Variants in PTCD1 observed in about 807,000 individuals in gnomAD.
The protein encoded by PTCD1 is pentatricopeptide repeat domain 1.
In PTCD1, 50 loss-of-function variants were observed where a neutral mutation model predicts 53.4. The ratio of observed to expected loss-of-function variants is 0.94; its 90% CI spans 0.75 to 1.19. The LOEUF is 1.19. Among genes scored for constraint, PTCD1 ranks in the 50% most tolerant of loss-of-function variants. The pLI, the probability that PTCD1 is intolerant of heterozygous loss-of-function variation, is 0.00. For missense variants in PTCD1, 918 were observed against 904.8 expected (o/e 1.01, Z -0.19); for synonymous variants, 413 against 394.8 (o/e 1.05, Z -0.55).
At chr7:99,428,276 G>A (rs1374591592) in intron 5 of PTCD1, among the ~76,000 whole-genome samples, 4 of 151,480 alleles carry the variant, frequency 2.6e-5, no homozygotes, top group Non-Finnish European at 5.9e-5. Flanking sequence ...GGTGGTGGGC[G>A]CCTATAGTCC....
chr7:99,437,063 C>G (rs1796498238), intron 1 of PTCD1, among the ~76,000 whole-genome samples: 1 of 152,118 alleles, frequency 6.6e-6, no homozygotes, highest in Admixed American at 6.6e-5. Context: ...GATGGAGTCT[C>G]CCTATGTTGC....
rs1796610284 is a variant in PTCD1 at position 99,438,766 on chromosome 7, G to A, written c.-101C>T. The A allele has an allele frequency of 1.5e-6, 2 of 1,350,812 alleles. No individual in the cohort carries two copies. Among genetic ancestry groups the A allele is most frequent in the South Asian group, 1.2e-5 (1 of 81,368 alleles). The allele number at this position is 1,350,812 out of a possible 1,614,324, so 83.7% of individuals were successfully genotyped here. A position where few individuals can be genotyped will look rare whatever the true frequency, so the allele number is the denominator to read the frequency against. On this transcript the variant is annotated 5_prime_UTR_variant, in exon 1 of 8. Transcript: ENST00000292478. The stretch of plus-strand genomic sequence containing the variant: ...CGCGGCGAACCAGTCTCTTCCTCGG[G>A]TCCCCCTCTCCCCAAGCGCGCAGGC...
At chr7:99,436,399 C>A (rs982408607) in intron 1 of PTCD1, among the ~76,000 whole-genome samples, 4 of 152,078 alleles carry the variant, frequency 2.6e-5, no homozygotes, top group Admixed American at 6.6e-5. Flanking sequence ...GTGGGTGGAT[C>A]CCCTCAGGTC....
At chr7:99,426,094 C>T (rs1035970309) in intron 5 of PTCD1, among the ~76,000 whole-genome samples, 11 of 150,774 alleles carry the variant, frequency 7.3e-5, no homozygotes, top group Admixed American at 4.6e-4. Context: ...AAAAATTGGC[C>T]GGGCCTCTCC....
Position 99,417,291 on chromosome 7 carries a change from G to A in PTCD1, c.*2676C>T. On this transcript the variant is annotated 3_prime_UTR_variant, in exon 8 of 8. Coordinates refer to ENST00000292478, the MANE Select transcript of PTCD1 (RefSeq NM_015545.4). ...TGGTCCTGAACTCCTGACCTCAGGT[G>A]ATCCGCCTGCCTCGGCCTCCCAAAG... 2 of 787,420 alleles carry A rather than the reference G, an allele frequency of 2.5e-6. No individual in the cohort carries two copies. Among genetic ancestry groups the A allele is most frequent in the Non-Finnish European group, 4.2e-6 (2 of 478,386 alleles). 48.8% of individuals were successfully genotyped at this position (787,420 alleles called of 1,614,324 possible). A position where few individuals can be genotyped will look rare whatever the true frequency, so the allele number is the denominator to read the frequency against.
chr7:99,425,122 G>T lies in PTCD1; in HGVS notation c.1410C>A (p.Gly470=), dbSNP rs1562840738. ...CCATCTTGCTCAGGAAGCCCTCCAGGCCCCCTATCAAGGCCAGCCGGTCAG... is the reference window on the plus strand; with the variant it reads ...CCATCTTGCTCAGGAAGCCCTCCAGTCCCCCTATCAAGGCCAGCCGGTCAG... ...TPADRLALIG[G]LEGFLSKMAE... is the part of the protein sequence containing the mutation. The change falls in exon 6 of 8, where the codon GGC becomes GGA. Residue 470 remains glycine (G), a synonymous_variant. Coordinates refer to ENST00000292478, the MANE Select transcript of PTCD1 (RefSeq NM_015545.4). 1 of 1,613,952 alleles carries T rather than the reference G, an allele frequency of 6.2e-7. No individual in the cohort carries two copies. The highest frequency in any genetic ancestry group is 8.5e-7 in the Non-Finnish European group (1 of 1,179,956).
At position 99,417,406 on chromosome 7, in the gene PTCD1, C is replaced by T; in HGVS notation, c.*2561G>A. On this transcript the variant is annotated 3_prime_UTR_variant, in exon 8 of 8. Transcript: ENST00000292478. Reference sequence around the variant, plus strand: ...AAGGTTTTTAGACCATGGCCTGATGCTCTTTCCCCATCTTTTTGACAGAAC... The same window carrying T: ...AAGGTTTTTAGACCATGGCCTGATGTTCTTTCCCCATCTTTTTGACAGAAC... 4 of 1,611,354 alleles carry T rather than the reference C, an allele frequency of 2.5e-6. No homozygotes were observed. The South Asian group carries it at 3.3e-5, about 13-fold the overall frequency.
At position 99,425,134 on chromosome 7, in the gene PTCD1, G is replaced by T. The variant is rs1314307567; in HGVS notation, c.1398C>A (p.Ala466=). The change falls in exon 6 of 8, where the codon GCC becomes GCA. Residue 466 remains alanine, a synonymous_variant. Coordinates refer to ENST00000292478, the MANE Select transcript of PTCD1 (RefSeq NM_015545.4). ...GTVTTPADRL[A]LIGGLEGFLS... ...GGAAGCCCTCCAGGCCCCCTATCAA[G>T]GCCAGCCGGTCAGCTGGGGTGGTCA... is the stretch of plus-strand genomic sequence containing the variant. 4 of 1,613,918 alleles carry T rather than the reference G, an allele frequency of 2.5e-6. No individual in the cohort carries two copies. Among genetic ancestry groups the T allele is most frequent in the Non-Finnish European group, 3.4e-6 (4 of 1,179,960 alleles).
In PTCD1 at chr7:99,416,743, CAG is replaced by C. The variant is rs1392312482; in HGVS notation, c.*3222_*3223del. 7.9e-5 allele frequency: 6 copies of C among 75,502 alleles called. No individual in the cohort carries two copies. Among genetic ancestry groups the C allele is most frequent in the East Asian group, 3.8e-4 (1 of 2,650 alleles). The allele number at this position is 75,502 out of a possible 1,614,324, so 4.7% of individuals were successfully genotyped here. On this transcript the variant is annotated 3_prime_UTR_variant, in exon 8 of 8. Transcript: ENST00000292478. ...TTTTTTTTTTTTTTTTTTTTTGAAACAGGGTCTTGCTCTGTTCCACAGGCTGG... is the reference window on the plus strand; with the variant it reads ...TTTTTTTTTTTTTTTTTTTTTGAAACGGTCTTGCTCTGTTCCACAGGCTGG...
At chr7:99,435,727 G>A (rs954820479) in intron 1 of PTCD1, among the ~76,000 whole-genome samples, 9 of 151,590 alleles carry the variant, frequency 5.9e-5, no homozygotes, top group Non-Finnish European at 1.0e-4. Flanking sequence ...AGGCCGAGGC[G>A]GGCAGATCAG....
intron 3 of PTCD1, 120 bp from the exon 4 acceptor site, chr7:99,429,926 T>C: frequency 7.8e-7 from 1 of 1,278,862 alleles, no homozygotes; most frequent in African/African-American, 1.5e-5. Flanking sequence ...CAGGCCAGGC[T>C]CTAAGGCAGA....
chr7:99,436,970 T>G (rs1012532070), intron 1 of PTCD1, among the ~76,000 whole-genome samples: 10 of 152,202 alleles, frequency 6.6e-5, no homozygotes, highest in African/African-American at 2.4e-4. Context: ...GCTCAAGTGA[T>G]CCTCCTACCT....
At chr7:99,437,112 A>AAAGT (rs1796504008) in intron 1 of PTCD1, among the ~76,000 whole-genome samples, 3 of 152,146 alleles carry the variant, frequency 2.0e-5, no homozygotes, top group Non-Finnish European at 4.4e-5. Context: ...GCAATCCTCC[A>AAAGT]GCCTTGGCCT....
intron 3 of PTCD1, among the ~76,000 whole-genome samples, 171 bp from the exon 4 acceptor site, chr7:99,429,977 C>T (rs2150956165): frequency 6.6e-6 from 1 of 152,288 alleles, no homozygotes; most frequent in African/African-American, 2.4e-5. Context: ...AACTCAGACA[C>T]ATTGAAGGGA....
chr7:99,429,621 G>A lies in PTCD1; in HGVS notation c.780C>T (p.Cys260=), dbSNP rs1356987964. 7.4e-6 allele frequency: 12 copies of A among 1,614,208 alleles called. No homozygotes were observed. The highest frequency in any genetic ancestry group is 4.4e-5 in the South Asian group (4 of 91,086). Residue 260 remains cysteine (C), a synonymous_variant, in exon 4 of 8, where the codon TGC becomes TGT. Coordinates refer to ENST00000292478, the MANE Select transcript of PTCD1 (RefSeq NM_015545.4). ...YHALLKMAAK[C]ADLRMCLDVF... ...CATCGAGGCACATCCTAAGGTCTGC[G>A]CACTTGGCAGCCATCTTCAGCAGCG...
In PTCD1 at chr7:99,425,087, C is replaced by T. The variant is rs757091950; in HGVS notation, c.1445G>A (p.Arg482Lys). The stretch of plus-strand genomic sequence containing the variant: ...GAGGGTCCTGATGTCGGGCTGCTGC[C>T]TGTGCTCTGCCATCTTGCTCAGGAA... Reference protein sequence around the residue: ...EGFLSKMAEHRQQPDIRTLTL... With the variant: ...EGFLSKMAEHKQQPDIRTLTL... Residue 482 changes from arginine to lysine, a missense_variant, in exon 6 of 8, where the codon AGG (arginine) becomes AAG (lysine). Physicochemically the swap from Arg to Lys is conservative, Grantham distance 26 (BLOSUM62 2). Coordinates refer to ENST00000292478, the MANE Select transcript of PTCD1 (RefSeq NM_015545.4). The T allele has an allele frequency of 3.7e-6, 6 of 1,614,096 alleles. No individual in the cohort carries two copies. Among genetic ancestry groups the T allele is most frequent in the Non-Finnish European group, 4.2e-6 (5 of 1,180,038 alleles).
chr7:99,423,629 G>C lies in PTCD1; in HGVS notation c.1920+146C>G, dbSNP rs1584454069. ...AGGGACTCGCAGGCTGTGGTCTACA[G>C]ACTTGGGTACTGCTCCTAAGGGAAG... is the stretch of plus-strand genomic sequence containing the variant. On this transcript the variant is annotated intron_variant, in intron 7 of 7. Transcript: ENST00000292478. 20 of 1,290,234 alleles carry C rather than the reference G, an allele frequency of 1.6e-5. 1 individual carries two copies. The South Asian group carries it at 2.2e-4, about 14-fold the overall frequency. 79.9% of individuals were successfully genotyped at this position (1,290,234 alleles called of 1,614,324 possible).
In PTCD1 at chr7:99,419,238, T is replaced by A; in HGVS notation, c.*729A>T. The A allele has an allele frequency of 5.8e-6, 5 of 856,698 alleles. No individual in the cohort carries two copies. Among genetic ancestry groups the A allele is most frequent in the Non-Finnish European group, 9.1e-6 (5 of 548,292 alleles). The allele number at this position is 856,698 out of a possible 1,614,324, so 53.1% of individuals were successfully genotyped here. The stretch of plus-strand genomic sequence containing the variant: ...GTTCTACCTTCATGAGGGAGCCAAA[T>A]TTTCCCTGTCCAGAGCTGTCAAGGA... On this transcript the variant is annotated 3_prime_UTR_variant, in exon 8 of 8. Coordinates refer to ENST00000292478, the MANE Select transcript of PTCD1 (RefSeq NM_015545.4).
chr7:99,429,791 G>C lies in PTCD1; in HGVS notation c.610C>G (p.Leu204Val). Residue 204 changes from leucine (L) to valine (V), a missense_variant, in exon 4 of 8, where the codon CTG becomes GTG. Physicochemically the swap from Leu to Val is conservative, Grantham distance 32. Coordinates refer to ENST00000292478, the MANE Select transcript of PTCD1 (RefSeq NM_015545.4). ...GTGTAGGTGGCGTCCGAGGGCTCCA[G>C]GTCCCGCTTTTTCATCTGTGGAGAT... ...NLYNQMKKRDLEPSDATYTAL... is the reference protein window; with the variant it reads ...NLYNQMKKRDVEPSDATYTAL... 1 of 1,614,190 alleles carries C rather than the reference G, an allele frequency of 6.2e-7. No individual in the cohort carries two copies. Among genetic ancestry groups the C allele is most frequent in the Non-Finnish European group, 8.5e-7 (1 of 1,180,046 alleles).
Sources: gnomAD v4.1 joint callset for allele counts (sites outside exome capture counted in the v4.1 genomes callset) on GRCh38, gnomAD v4.1.1 for gene constraint, MANE v1.5 for transcripts, NCBI Gene and HGNC (gene_info 2026-07-23, HGNC 2026-07-21) for gene names.